TNNI3K: variants seen among roughly 807,000 people sequenced by gnomAD.
TNNI3K encodes serine/threonine-protein kinase TNNI3K.
TNNI3K carries 140 observed loss-of-function variants against 114.5 expected under a neutral mutation model. The ratio of observed to expected loss-of-function variants is 1.22; its 90% CI spans 1.07 to 1.41. The LOEUF is 1.41. Ranked by LOEUF, TNNI3K falls within the 40% of genes most tolerant of loss-of-function variation. TNNI3K has a pLI of 0.00. For synonymous variants in TNNI3K, 347 were observed against 347.5 expected (o/e 1.00, Z 0.02); for missense variants, 1,125 against 1,007.6 (o/e 1.12, Z -1.58).
chr1:74,352,350 C>G (rs1290615717), intron 9 of TNNI3K, among the ~76,000 whole-genome samples: 1 of 152,146 alleles, frequency 6.6e-6, no homozygotes, highest in East Asian at 1.9e-4. Flanking sequence ...GAGGAGTACC[C>G]AGCCGTGTGA....
intron 21 of TNNI3K, among the ~76,000 whole-genome samples, chr1:74,467,286 T>C (rs1667720936): frequency 6.6e-6 from 1 of 152,190 alleles, no homozygotes; most frequent in Non-Finnish European, 1.5e-5. Flanking sequence ...TGGAGGACAC[T>C]AACATCATGC....
chr1:74,464,582 C>T, intron 21 of TNNI3K: 2 of 1,499,240 alleles, frequency 1.3e-6, no homozygotes, highest in Non-Finnish European at 8.9e-7. Context: ...TAAAATAGGC[C>T]CCAGTCCAGA....
intron 9 of TNNI3K, among the ~76,000 whole-genome samples, chr1:74,345,022 C>G (rs1025368193): frequency 6.6e-6 from 1 of 151,740 alleles, no homozygotes; most frequent in South Asian, 2.1e-4. Flanking sequence ...CACGCATACA[C>G]GTGTGTGCAT....
chr1:74,438,974 C>G (rs1207379182), intron 19 of TNNI3K: 4 of 152,112 alleles, frequency 2.6e-5, no homozygotes, highest in African/African-American at 9.7e-5. Context: ...CTCTCCTCAG[C>G]CATGAGCACA....
intron 2 of TNNI3K, among the ~76,000 whole-genome samples, chr1:74,237,808 T>C (rs1653948074): frequency 1.3e-5 from 2 of 152,166 alleles, no homozygotes; most frequent in African/African-American, 4.8e-5. Flanking sequence ...TCAAGTGTTG[T>C]TCTGGATACA....
intron 21 of TNNI3K, among the ~76,000 whole-genome samples, chr1:74,485,092 A>C (rs1006141411): frequency 4.1e-4 from 63 of 152,196 alleles, no homozygotes; most frequent in African/African-American, 1.4e-3. Context: ...AAACCATTGT[A>C]TCAAAGAACT....
At chr1:74,463,362 T>G (rs2100721978) in intron 20 of TNNI3K, 79 bp from the exon 21 acceptor site, 5 of 1,462,298 alleles carry the variant, frequency 3.4e-6, no homozygotes, top group Non-Finnish European at 3.8e-6. Flanking sequence ...TTTAATGCCT[T>G]TTTGTGTGTG....
intron 23 of TNNI3K, among the ~76,000 whole-genome samples, chr1:74,496,436 A>G (rs142171294): frequency 6.6e-6 from 1 of 152,298 alleles, no homozygotes; most frequent in Non-Finnish European, 1.5e-5. Context: ...AAAAATCAGT[A>G]CAAGGTTTTT....
rs918126593 is a variant in TNNI3K, at chr1:74,479,112, C to T, written c.2122-10077C>T. ...TGATTTATAGCACATATTTAAAATACGTCAGTCTTGGATGCCATTTGTTGG... is the reference window on the plus strand; with the variant it reads ...TGATTTATAGCACATATTTAAAATATGTCAGTCTTGGATGCCATTTGTTGG... On this transcript the variant is annotated intron_variant, in intron 21 of 24. Transcript: ENST00000326637. Among the ~76,000 whole-genome samples, 13 of 152,082 alleles carry T rather than the reference C, an allele frequency of 8.5e-5. 1 individual carries two copies. Among genetic ancestry groups the T allele is most frequent in the South Asian group, 2.1e-4 (1 of 4,806 alleles).
chr1:74,267,112 C>G (rs1326357432), intron 4 of TNNI3K, among the ~76,000 whole-genome samples: 1 of 151,958 alleles, frequency 6.6e-6, no homozygotes, highest in Non-Finnish European at 1.5e-5. Context: ...CCACAAGACT[C>G]TTTTCTAAAC....
intron 17 of TNNI3K, among the ~76,000 whole-genome samples, chr1:74,410,821 G>C (rs192473263): frequency 4.3e-4 from 66 of 152,298 alleles, no homozygotes; most frequent in Admixed American, 1.6e-3. Context: ...AATCAGTGGT[G>C]CCTTATGAGG....
intron 17 of TNNI3K, among the ~76,000 whole-genome samples, chr1:74,394,818 G>A (rs1663989218): frequency 6.6e-6 from 1 of 152,178 alleles, no homozygotes; most frequent in Non-Finnish European, 1.5e-5. Context: ...GCTGAGGCGG[G>A]TGGATCATGA....
intron 5 of TNNI3K, among the ~76,000 whole-genome samples, chr1:74,316,556 A>C (rs1206841534): frequency 6.6e-6 from 1 of 152,046 alleles, no homozygotes; most frequent in Non-Finnish European, 1.5e-5. Flanking sequence ...TCAGTTACTG[A>C]ATGTCTTACT....
At position 74,271,601 on chromosome 1, in the gene TNNI3K, A is replaced by G; in HGVS notation, c.337A>G (p.Asn113Asp). The G allele has an allele frequency of 3.1e-6, 5 of 1,596,818 alleles. No individual in the cohort carries two copies. Among genetic ancestry groups the G allele is most frequent in the Non-Finnish European group, 4.3e-6 (5 of 1,170,772 alleles). Residue 113 changes from asparagine to aspartate, a missense_variant, in exon 5 of 25, where the codon AAT (asparagine) becomes GAT (aspartate). Coordinates refer to ENST00000326637, the MANE Select transcript of TNNI3K (RefSeq NM_015978.3). Reference protein sequence around the residue: ...TALHLAVYKDNAELITSLLHS... With the variant: ...TALHLAVYKDDAELITSLLHS... The stretch of plus-strand genomic sequence containing the variant: ...CTAAAGATATGTTTCCTTACAGGAT[A>G]ATGCAGAATTGATCACTTCTCTGCT...
At chr1:74,381,840 GC>G (rs983461034) in intron 17 of TNNI3K, among the ~76,000 whole-genome samples, 11 of 152,266 alleles carry the variant, frequency 7.2e-5, no homozygotes, top group African/African-American at 2.4e-4. Flanking sequence ...ACTTAAAGGT[GC>G]AATTTAAACA....
intron 23 of TNNI3K, among the ~76,000 whole-genome samples, chr1:74,505,250 A>G (rs1462189204): frequency 3.3e-5 from 5 of 152,218 alleles, no homozygotes; most frequent in African/African-American, 1.2e-4. Context: ...TGACAGGACA[A>G]GCACAGGGAC....
chr1:74,543,595 G>A (rs45620838), intron 24 of TNNI3K, among the ~76,000 whole-genome samples: 42 of 152,302 alleles, frequency 2.8e-4, no homozygotes, highest in Non-Finnish European at 1.8e-4. Flanking sequence ...TTTGCCTGAC[G>A]TGAAAGCCTG....
intron 20 of TNNI3K, among the ~76,000 whole-genome samples, chr1:74,457,139 T>C (rs1218757280): frequency 1.3e-5 from 2 of 152,200 alleles, no homozygotes; most frequent in East Asian, 1.9e-4. Flanking sequence ...TGAAATCTTA[T>C]GTTTATTGTG....
intron 5 of TNNI3K, among the ~76,000 whole-genome samples, chr1:74,276,237 G>T (rs1043139394): frequency 2.0e-5 from 3 of 151,954 alleles, no homozygotes; most frequent in African/African-American, 7.2e-5. Flanking sequence ...ACACATTTGG[G>T]TTTAACGTAA....
Sources: allele counts gnomAD v4.1 joint callset (sites outside exome capture counted in the v4.1 genomes callset), GRCh38; gene constraint gnomAD v4.1.1; transcripts MANE v1.5; gene names NCBI Gene and HGNC (gene_info 2026-07-23, HGNC 2026-07-21).